SEC14L2: variants seen among roughly 807,000 people sequenced by gnomAD.
SEC14L2 encodes SEC14 like lipid binding 2.
A neutral mutation model predicts 56.9 loss-of-function variants in SEC14L2; 50 were observed. The ratio of observed to expected loss-of-function variants is 0.88; its 90% CI spans 0.70 to 1.11. The LOEUF is 1.11. SEC14L2 is among the 50% of genes most tolerant of loss of function. The probability of loss-of-function intolerance (pLI) is 0.00; values close to 1 mark genes in which losing one functional copy is unlikely to be tolerated. For synonymous variants in SEC14L2, 179 were observed against 188.5 expected, an observed-to-expected ratio of 0.95 and a Z score of 0.41; for missense variants, 414 against 500.7, an observed-to-expected ratio of 0.83 and a Z score of 1.65.
At chr22:30,417,301 G>A (rs1601786770) in intron 11 of SEC14L2, among the ~76,000 whole-genome samples, 1 of 152,324 alleles carries the variant, frequency 6.6e-6, no homozygotes, top group East Asian at 1.9e-4. Context: ...GATGTTTATG[G>A]AGGGCTTTCA....
intron 2 of SEC14L2, 152 bp from the exon 3 acceptor site, chr22:30,406,190 C>T (rs1480230180): frequency 1.5e-6 from 1 of 670,700 alleles, no homozygotes; most frequent in Non-Finnish European, 2.5e-6. Flanking sequence ...TAAAGGCTCT[C>T]ATGTTAGCTT....
At position 30,409,057 on chromosome 22, in the gene SEC14L2, A is replaced by T. The variant is rs568752946; in HGVS notation, c.424-130A>T. ...CCTGGGGTGATTATCTCAGTTTGGA[A>T]AACTCTAGGTCCGGCCCTAACTAGC... is the stretch of plus-strand genomic sequence containing the variant. On this transcript the variant is annotated intron_variant, in intron 5 of 11. Coordinates refer to ENST00000615189, the MANE Select transcript of SEC14L2 (RefSeq NM_012429.5). The T allele has an allele frequency of 4.6e-4, 386 of 838,306 alleles. 1 individual carries two copies. Among genetic ancestry groups the T allele is most frequent in the Non-Finnish European group, 7.4e-4 (358 of 485,378 alleles). 51.9% of individuals were successfully genotyped at this position (838,306 alleles called of 1,614,324 possible).
At chr22:30,419,739 C>A (rs572705406) in intron 11 of SEC14L2, among the ~76,000 whole-genome samples, 21 of 152,198 alleles carry the variant, frequency 1.4e-4, no homozygotes, top group Non-Finnish European at 2.8e-4. Flanking sequence ...AATAATATAA[C>A]CCATCCTACC....
chr22:30,399,425 G>C (rs1694227513), intron 1 of SEC14L2, among the ~76,000 whole-genome samples: 1 of 147,552 alleles, frequency 6.8e-6, no homozygotes, highest in Non-Finnish European at 1.5e-5. Context: ...TGAGTCAGGA[G>C]AATGGTGTGA....
chr22:30,397,181 GC>G lies in SEC14L2; in HGVS notation c.54+14del, dbSNP rs976952915. 6.6e-7 allele frequency: 1 copy of G among 1,524,062 alleles called. No homozygotes were observed. The highest frequency in any genetic ancestry group is 8.8e-7 in the Non-Finnish European group (1 of 1,133,382). The allele number at this position is 1,524,062 out of a possible 1,614,324, so 94.4% of individuals were successfully genotyped here. On this transcript the variant is annotated intron_variant, in intron 1 of 11. Coordinates refer to ENST00000615189, the MANE Select transcript of SEC14L2 (RefSeq NM_012429.5). Reference sequence around the variant, plus strand: ...GAGGCATTGGCCAAGGTGAGCTGTAGCCCTGGCCCGGGCTCCCGCCTCGGGC... The same window carrying G: ...GAGGCATTGGCCAAGGTGAGCTGTAGCCTGGCCCGGGCTCCCGCCTCGGGC...
chr22:30,397,620 C>T (rs1933792535), intron 1 of SEC14L2: 48 of 317,426 alleles, frequency 1.5e-4, no homozygotes, highest in South Asian at 1.2e-3. Context: ...TGGATAGCTC[C>T]TGCCCCGGCA....
rs954726701 is a variant in SEC14L2, at chr22:30,399,823, T to C, written c.130+105T>C. The C allele has an allele frequency of 8.5e-6, 8 of 943,744 alleles. No homozygotes were observed. In the African/African-American group the frequency reaches 1.3e-4, roughly 16 times the overall value. The allele number at this position is 943,744 out of a possible 1,614,324, so 58.5% of individuals were successfully genotyped here. On this transcript the variant is annotated intron_variant, in intron 2 of 11. Coordinates refer to ENST00000615189, the MANE Select transcript of SEC14L2 (RefSeq NM_012429.5). ...CTTGGCAATTGAGGCATCTAGAGTGTCCAACCTTTAGCGCCAAAGGGCCCT... is the reference window on the plus strand; with the variant it reads ...CTTGGCAATTGAGGCATCTAGAGTGCCCAACCTTTAGCGCCAAAGGGCCCT...
chr22:30,410,719 T>A (rs764912286), intron 8 of SEC14L2, 40 bp downstream of exon 8: 1 of 1,583,924 alleles, frequency 6.3e-7, no homozygotes. Flanking sequence ...AAGGAGGGTC[T>A]GTAGCCTAAA....
At position 30,424,798 on chromosome 22, in the gene SEC14L2, C is replaced by T. The variant is rs1175121410; in HGVS notation, c.*2391C>T. The T allele has an allele frequency of 8.8e-6, 4 of 456,566 alleles. No individual in the cohort carries two copies. The Admixed American group carries it at 9.4e-5, about 11-fold the overall frequency. 28.3% of individuals were successfully genotyped at this position (456,566 alleles called of 1,614,324 possible). A position where few individuals can be genotyped will look rare whatever the true frequency, so the allele number is the denominator to read the frequency against. ...TCACAGAGACTTAGTGAAGTGCACA[C>T]ATTGCTCACCTGGGTGAACTGAGGT... On this transcript the variant is annotated 3_prime_UTR_variant, in exon 12 of 12. Transcript: ENST00000615189.
intron 5 of SEC14L2, chr22:30,408,903 G>C (rs1601778084): frequency 6.2e-6 from 3 of 482,258 alleles, no homozygotes; most frequent in Non-Finnish European, 1.2e-5. Context: ...CTCAGGAAGG[G>C]GGAGGCCATC....
At chr22:30,405,390 C>T (rs893995697) in intron 2 of SEC14L2, among the ~76,000 whole-genome samples, 6 of 152,168 alleles carry the variant, frequency 3.9e-5, no homozygotes, top group Non-Finnish European at 8.8e-5. Context: ...GTGCAAATTG[C>T]AGCTATGATT....
intron 2 of SEC14L2, among the ~76,000 whole-genome samples, chr22:30,403,171 G>T (rs965371650): frequency 1.3e-5 from 2 of 152,096 alleles, no homozygotes; most frequent in African/African-American, 4.8e-5. Flanking sequence ...GTCACACACG[G>T]GCAGAATGTC....
Position 30,407,396 on chromosome 22 carries a change from C to T in SEC14L2, c.235-19C>T, listed in dbSNP as rs1476966119. Reference sequence around the variant, plus strand: ...ATGGATGCCTGCTGACCAGGTGGCTCCTCTGTGTCTTTGCCCAGGTGATCC... The same window carrying T: ...ATGGATGCCTGCTGACCAGGTGGCTTCTCTGTGTCTTTGCCCAGGTGATCC... On this transcript the variant is annotated intron_variant, in intron 4 of 11. Transcript: ENST00000615189. 3 of 1,609,272 alleles carry T rather than the reference C, an allele frequency of 1.9e-6. No homozygotes were observed. The highest frequency in any genetic ancestry group is 2.6e-6 in the Non-Finnish European group (3 of 1,176,240).
chr22:30,407,221 T>C lies in SEC14L2; in HGVS notation c.234+67T>C. On this transcript the variant is annotated intron_variant, in intron 4 of 11. Transcript: ENST00000615189. ...TCAGACCCACAACCTGGGTCCTGGATCCACTGGATTTGGATCCTTAGAGGA... is the reference window on the plus strand; with the variant it reads ...TCAGACCCACAACCTGGGTCCTGGACCCACTGGATTTGGATCCTTAGAGGA... 5 of 1,573,350 alleles carry C rather than the reference T, an allele frequency of 3.2e-6. No homozygotes were observed. In the South Asian group the frequency reaches 4.4e-5, roughly 14 times the overall value.
chr22:30,406,735 C>T (rs777201358), intron 3 of SEC14L2, among the ~76,000 whole-genome samples: 27 of 152,082 alleles, frequency 1.8e-4, no homozygotes, highest in Non-Finnish European at 3.4e-4. Flanking sequence ...ACCATCCCTG[C>T]TTTTTGTTTT....
intron 2 of SEC14L2, among the ~76,000 whole-genome samples, chr22:30,404,009 C>CAAAAAAAAAAAAAAAAA (rs67366822): frequency 4.1e-4 from 38 of 93,216 alleles, no homozygotes; most frequent in East Asian, 9.5e-4. Context: ...GACTCCGTCT[C>CAAAAAAAAAAAAAAAAA]AAAAAAAAAA....
chr22:30,413,802 G>GTT (rs60033540), intron 8 of SEC14L2, among the ~76,000 whole-genome samples: 3 of 145,014 alleles, frequency 2.1e-5, no homozygotes, highest in Admixed American at 6.9e-5. Flanking sequence ...CTCAAGCTCT[G>GTT]TTTTTTTTTT....
rs923514166 is a variant in SEC14L2, at chr22:30,423,465, G to A, written c.*1058G>A. On this transcript the variant is annotated 3_prime_UTR_variant, in exon 12 of 12. Transcript: ENST00000615189. ...CGTAGCCAGGCCTGGAGGCCCCCCAGGCAGGAGGCCGCCCAAAGGCGGGGC... is the reference window on the plus strand; with the variant it reads ...CGTAGCCAGGCCTGGAGGCCCCCCAAGCAGGAGGCCGCCCAAAGGCGGGGC... The A allele has an allele frequency of 6.6e-6, 1 of 152,078 alleles. No homozygotes were observed. The highest frequency in any genetic ancestry group is 6.5e-5 in the Admixed American group (1 of 15,284). The allele number at this position is 152,078 out of a possible 1,614,324, so 9.4% of individuals were successfully genotyped here. A position where few individuals can be genotyped will look rare whatever the true frequency, so the allele number is the denominator to read the frequency against.
chr22:30,407,318 G>A, intron 4 of SEC14L2, 97 bp from the exon 5 acceptor site: 1 of 1,476,258 alleles, frequency 6.8e-7, no homozygotes, highest in Admixed American at 1.7e-5. Context: ...GGAGAGGGAG[G>A]TAGAGAAAGA....
Sources: gnomAD v4.1 joint callset for allele counts (sites outside exome capture counted in the v4.1 genomes callset) on GRCh38, gnomAD v4.1.1 for gene constraint, MANE v1.5 for transcripts, NCBI Gene and HGNC (gene_info 2026-07-23, HGNC 2026-07-21) for gene names.